Variants in FUNDC2 observed in about 807,000 individuals in gnomAD.
FUNDC2 encodes FUN14 domain-containing protein 2.
In FUNDC2, 4 loss-of-function variants were observed where a neutral mutation model predicts 15.6. The ratio of observed to expected loss-of-function variants is 0.26; its 90% confidence interval spans 0.13 to 0.59. FUNDC2 has a LOEUF of 0.59. FUNDC2 is among the 20% of genes least tolerant of loss of function. The pLI, the probability that FUNDC2 is intolerant of heterozygous loss-of-function variation, is 0.90. For missense variants in FUNDC2, 98 were observed against 149.7 expected (o/e 0.65, Z 1.80); for synonymous variants, 44 against 56.9 (o/e 0.77, Z 1.02).
At chrX:155,028,329 C>T (rs1350745113) in intron 1 of FUNDC2, among the ~76,000 whole-genome samples, 2 of 111,336 alleles carry the variant, frequency 1.8e-5, no homozygotes, top group Non-Finnish European at 3.8e-5. Context: ...AATCTACCTT[C>T]CCCCCTACTC....
rs781900427 is a variant in FUNDC2, at chrX:155,055,191, C to T, written c.*519C>T. 14 of 294,967 alleles carry T rather than the reference C, an allele frequency of 4.7e-5. No individual in the cohort carries two copies. The highest frequency in any genetic ancestry group is 2.1e-4 in the South Asian group (1 of 4,788). 24.3% of individuals were successfully genotyped at this position (294,967 alleles called of 1,213,427 possible). On this transcript the variant is annotated 3_prime_UTR_variant, in exon 5 of 5. Transcript: ENST00000369498. ...CTATTTAAATGTGTTATAATTATGC[C>T]GACAAAATTGGCAGCATAATTACTG...
At chrX:155,040,758 C>T (rs1329309768) in intron 2 of FUNDC2, among the ~76,000 whole-genome samples, 1 of 111,457 alleles carries the variant, frequency 9.0e-6, no homozygotes, top group African/African-American at 3.3e-5. Context: ...TTTTTGAGGA[C>T]CCACCTAACT....
chrX:155,034,597 A>C (rs1332355637), intron 2 of FUNDC2, among the ~76,000 whole-genome samples: 1 of 112,339 alleles, frequency 8.9e-6, no homozygotes, highest in Admixed American at 9.4e-5. Flanking sequence ...ACCACCTTCC[A>C]AAACTGTTTT....
At chrX:155,027,099 G>A in intron 1 of FUNDC2, 28 bp downstream of exon 1, 1 of 1,085,354 alleles carries the variant, frequency 9.2e-7, no homozygotes. Flanking sequence ...CGCGGCCGGC[G>A]CCGCGGGGAG....
intron 1 of FUNDC2, among the ~76,000 whole-genome samples, chrX:155,032,644 T>A (rs781952286): frequency 1.8e-5 from 2 of 111,400 alleles, no homozygotes; most frequent in Non-Finnish European, 3.8e-5. Flanking sequence ...TAATTAGATG[T>A]ACATGATTAA....
chrX:155,040,087 G>A (rs2073842631), intron 2 of FUNDC2, among the ~76,000 whole-genome samples: 1 of 111,873 alleles, frequency 8.9e-6, no homozygotes, highest in Non-Finnish European at 1.9e-5. Flanking sequence ...ATTCATAAGT[G>A]TATATTTTTT....
chrX:155,041,373 T>C (rs1189031058), intron 2 of FUNDC2, among the ~76,000 whole-genome samples: 2 of 112,063 alleles, frequency 1.8e-5, no homozygotes, highest in African/African-American at 6.5e-5. Flanking sequence ...TGTTGAATTT[T>C]TATAGTTTTT....
rs781918827 is a variant in FUNDC2 at position 155,027,081 on chromosome X, G to GGC, written c.133+20_133+21dup. On this transcript the variant is annotated intron_variant, in intron 1 of 4. Transcript: ENST00000369498. ...GCCGCGTCCAGTCAAGGTAAGGGCG[G>GGC]GCGCGCGCGCGGCCGGCGCCGCGGG... 6 of 1,129,942 alleles carry GGC rather than the reference G, an allele frequency of 5.3e-6. No individual in the cohort carries two copies. The highest frequency in any genetic ancestry group is 7.0e-6 in the Non-Finnish European group (6 of 853,760). 93.1% of individuals were successfully genotyped at this position (1,129,942 alleles called of 1,213,427 possible). A position where few individuals can be genotyped will look rare whatever the true frequency, so the allele number is the denominator to read the frequency against.
chrX:155,032,518 C>T (rs1250624627), intron 1 of FUNDC2, among the ~76,000 whole-genome samples: 3 of 109,696 alleles, frequency 2.7e-5, no homozygotes, highest in African/African-American at 1.0e-4. Flanking sequence ...TCAGGTGATC[C>T]ACCTGCCTCC....
rs115277539 is a variant in FUNDC2, at chrX:155,059,073, G to T, written c.*4401G>T. The T allele has an allele frequency of 9.0e-6, 1 of 111,637 alleles. No homozygotes were observed. Among genetic ancestry groups the T allele is most frequent in the African/African-American group, 3.3e-5 (1 of 30,547 alleles). 9.2% of individuals were successfully genotyped at this position (111,637 alleles called of 1,213,427 possible). On this transcript the variant is annotated 3_prime_UTR_variant, in exon 5 of 5. Transcript: ENST00000369498. The stretch of plus-strand genomic sequence containing the variant: ...CTGGAGTGCTGTTCAGGCATCCTGA[G>T]GTTTTAAAGTGTCTTAGCTTTTTCT...
intron 2 of FUNDC2, among the ~76,000 whole-genome samples, chrX:155,037,821 A>G: frequency 9.0e-6 from 1 of 111,674 alleles, no homozygotes; most frequent in Middle Eastern, 4.6e-3. Flanking sequence ...TGTAGGTTCC[A>G]TATAGGTGGT....
rs1397463904 is a variant in FUNDC2, at chrX:155,058,313, G to A, written c.*3641G>A. 4.5e-5 allele frequency: 5 copies of A among 111,821 alleles called. No individual in the cohort carries two copies. The highest frequency in any genetic ancestry group is 1.6e-4 in the African/African-American group (5 of 30,684). 9.2% of individuals were successfully genotyped at this position (111,821 alleles called of 1,213,427 possible). On this transcript the variant is annotated 3_prime_UTR_variant, in exon 5 of 5. Coordinates refer to ENST00000369498, the MANE Select transcript of FUNDC2 (RefSeq NM_023934.4). Reference sequence around the variant, plus strand: ...TCTGGTTTTGGAAAGCAAAGTTACTGTGTAGTTAACAACTATTGTGGTAAG... The same window carrying A: ...TCTGGTTTTGGAAAGCAAAGTTACTATGTAGTTAACAACTATTGTGGTAAG...
chrX:155,059,264 T>C lies in FUNDC2; in HGVS notation c.*4592T>C, dbSNP rs2073919003. 1 of 112,182 alleles carries C rather than the reference T, an allele frequency of 8.9e-6. No individual in the cohort carries two copies. Among genetic ancestry groups the C allele is most frequent in the Admixed American group, 9.4e-5 (1 of 10,590 alleles). The allele number at this position is 112,182 out of a possible 1,213,427, so 9.2% of individuals were successfully genotyped here. On this transcript the variant is annotated 3_prime_UTR_variant, in exon 5 of 5. Coordinates refer to ENST00000369498, the MANE Select transcript of FUNDC2 (RefSeq NM_023934.4). ...AATACTGAACACAAGTGTAATATTATAGTTCATTAAATGTCTTAGGAATCG... is the reference window on the plus strand; with the variant it reads ...AATACTGAACACAAGTGTAATATTACAGTTCATTAAATGTCTTAGGAATCG...
At position 155,055,959 on chromosome X, in the gene FUNDC2, A is replaced by T. The variant is rs2073893657; in HGVS notation, c.*1287A>T. The stretch of plus-strand genomic sequence containing the variant: ...AACCCGTCTTGAGAATGATGTATTG[A>T]ATTTGAAAATCAAAACTACCAGTGG... On this transcript the variant is annotated 3_prime_UTR_variant, in exon 5 of 5. Transcript: ENST00000369498. 1 of 112,168 alleles carries T rather than the reference A, an allele frequency of 8.9e-6. No individual in the cohort carries two copies. Among genetic ancestry groups the T allele is most frequent in the Non-Finnish European group, 1.9e-5 (1 of 53,233 alleles). The allele number at this position is 112,168 out of a possible 1,213,427, so 9.2% of individuals were successfully genotyped here. A position where few individuals can be genotyped will look rare whatever the true frequency, so the allele number is the denominator to read the frequency against.
At position 155,057,332 on chromosome X, in the gene FUNDC2, C is replaced by G. The variant is rs1420902649; in HGVS notation, c.*2660C>G. ...GAGATGATTCAAGGACCAGGCAGCTCCACCTTTCAGTGCACTACTTTCATT... is the reference window on the plus strand; with the variant it reads ...GAGATGATTCAAGGACCAGGCAGCTGCACCTTTCAGTGCACTACTTTCATT... On this transcript the variant is annotated 3_prime_UTR_variant, in exon 5 of 5. Coordinates refer to ENST00000369498, the MANE Select transcript of FUNDC2 (RefSeq NM_023934.4). 1.8e-5 allele frequency: 2 copies of G among 111,635 alleles called. No individual in the cohort carries two copies. Among genetic ancestry groups the G allele is most frequent in the African/African-American group, 6.5e-5 (2 of 30,712 alleles). The allele number at this position is 111,635 out of a possible 1,213,427, so 9.2% of individuals were successfully genotyped here. A position where few individuals can be genotyped will look rare whatever the true frequency, so the allele number is the denominator to read the frequency against.
rs782302851 is a variant in FUNDC2, at chrX:155,056,784, C to G, written c.*2112C>G. 2.9e-4 allele frequency: 32 copies of G among 111,587 alleles called. No homozygotes were observed. Among genetic ancestry groups the G allele is most frequent in the African/African-American group, 9.1e-4 (28 of 30,696 alleles). 9.2% of individuals were successfully genotyped at this position (111,587 alleles called of 1,213,427 possible). On this transcript the variant is annotated 3_prime_UTR_variant, in exon 5 of 5. Transcript: ENST00000369498. Reference sequence around the variant, plus strand: ...GTTGCATGTGGGGAGACTGGCCACCCAATGCCTCTCCAGTGGGGTAGGGGT... The same window carrying G: ...GTTGCATGTGGGGAGACTGGCCACCGAATGCCTCTCCAGTGGGGTAGGGGT...
Position 155,056,494 on chromosome X carries a change from A to G in FUNDC2, c.*1822A>G, listed in dbSNP as rs782548797. 9.3e-6 allele frequency: 1 copy of G among 107,314 alleles called. No homozygotes were observed. The highest frequency in any genetic ancestry group is 3.5e-5 in the African/African-American group (1 of 28,953). The allele number at this position is 107,314 out of a possible 1,213,427, so 8.8% of individuals were successfully genotyped here. ...CACATCGTATTTGCATGATTTGGAT[A>G]AGTCTCTTAACCTTATAGATCCTCC... On this transcript the variant is annotated 3_prime_UTR_variant, in exon 5 of 5. Transcript: ENST00000369498.
At chrX:155,047,243 G>C in intron 3 of FUNDC2, 1 of 327,019 alleles carries the variant, frequency 3.1e-6, no homozygotes, top group Admixed American at 3.2e-5. Flanking sequence ...TGCCACTCCT[G>C]ACCCACAGTC....
At chrX:155,033,688 T>C (rs2073822961) in intron 2 of FUNDC2, 135 bp downstream of exon 2, 21 of 517,592 alleles carry the variant, frequency 4.1e-5, no homozygotes, top group Non-Finnish European at 5.5e-5. Flanking sequence ...AGCATGTATC[T>C]AAACATCATC....
Sources: gnomAD v4.1 joint callset for allele counts (sites outside exome capture counted in the v4.1 genomes callset) on GRCh38, gnomAD v4.1.1 for gene constraint, MANE v1.5 for transcripts, NCBI Gene and HGNC (gene_info 2026-07-23, HGNC 2026-07-21) for gene names.